The following HSF5 variants were observed in gnomAD, a reference collection of about 807,000 sequenced individuals.
HSF5 encodes heat shock transcription factor 5.
Under a neutral mutation model 50.8 loss-of-function variants are expected in HSF5, and 5 were observed. That is an observed-to-expected ratio of 0.10 (90% confidence interval 0.05 to 0.21). The LOEUF is 0.21. HSF5 is among the 10% of genes least tolerant of loss of function. The pLI, the probability that HSF5 is intolerant of heterozygous loss-of-function variation, is 1.00. For missense variants in HSF5, 564 were observed against 762.6 expected, an observed-to-expected ratio of 0.74 and a Z score of 3.07; for synonymous variants, 307 against 307.4, an observed-to-expected ratio of 1.00 and a Z score of 0.02.
In HSF5 at chr17:58,488,134, C is replaced by T; in HGVS notation, c.141G>A (p.Glu47=). The part of the protein sequence containing the change: ...EGLLIDQPLF[E]AELLSPPGPG... The stretch of plus-strand genomic sequence containing the variant: ...GCCCGGGCGGGCTGAGCAGCTCGGC[C>T]TCGAAGAGCGGCTGATCGATAAGCA... Residue 47 remains glutamate (E), a synonymous_variant, in exon 1 of 6, where the codon GAG becomes GAA. Transcript: ENST00000323777. The surrounding 1 kb of genome is among the most constrained non-coding windows in gnomAD (Gnocchi z 4.1). The T allele has an allele frequency of 6.4e-7, 1 of 1,560,656 alleles. No individual in the cohort carries two copies.
intron 5 of HSF5, among the ~76,000 whole-genome samples, chr17:58,453,838 C>T (rs1211847135): frequency 6.6e-6 from 1 of 152,046 alleles, no homozygotes; most frequent in Non-Finnish European, 1.5e-5. Context: ...CCTGTAAACC[C>T]AGCACTTTGG....
In HSF5 at chr17:58,487,906, C is replaced by T; in HGVS notation, c.369G>A (p.Leu123=). ...NPHFRRDQPQ[L]LVHLKRLTSA... ...TGGTGAGGCGCTTGAGGTGCACGAGCAGCTGTGGCTGGTCGCGGCGGAAGT... is the reference window on the plus strand; with the variant it reads ...TGGTGAGGCGCTTGAGGTGCACGAGTAGCTGTGGCTGGTCGCGGCGGAAGT... The change falls in exon 1 of 6, where the codon CTG becomes CTA. Residue 123 remains leucine, a synonymous_variant. Coordinates refer to ENST00000323777, the MANE Select transcript of HSF5 (RefSeq NM_001080439.3). 6.2e-7 allele frequency: 1 copy of T among 1,610,944 alleles called. No homozygotes were observed.
rs1008829822 is a variant in HSF5 at position 58,459,205 on chromosome 17, G to GT, written c.1543-261dup. The stretch of plus-strand genomic sequence containing the variant: ...TTTTTTTTAACTTACAAAAGTACAG[G>GT]TTTTTTTTTTTGTTTTAAGGCAGGG... On this transcript the variant is annotated intron_variant, in intron 4 of 5. Transcript: ENST00000323777. Among the ~76,000 whole-genome samples, 258 of 145,674 alleles carry GT rather than the reference G, an allele frequency of 1.8e-3. 1 individual carries two copies. The highest frequency in any genetic ancestry group is 9.6e-3 in the East Asian group (48 of 5,004).
intron 2 of HSF5, among the ~76,000 whole-genome samples, chr17:58,472,008 C>T (rs1974952484): frequency 6.6e-6 from 1 of 152,104 alleles, no homozygotes; most frequent in Admixed American, 6.5e-5. Context: ...TGTGCGCCAC[C>T]ATGCCTGGCT....
chr17:58,465,418 C>T (rs1433467585), intron 3 of HSF5, among the ~76,000 whole-genome samples: 1 of 152,052 alleles, frequency 6.6e-6, no homozygotes, highest in Non-Finnish European at 1.5e-5. Context: ...GTATCTCCAG[C>T]ATGATCCAGA....
chr17:58,433,208 C>A (rs1974386302), intron 5 of HSF5, among the ~76,000 whole-genome samples: 1 of 152,160 alleles, frequency 6.6e-6, no homozygotes, highest in Non-Finnish European at 1.5e-5. Flanking sequence ...ACCATGTTGG[C>A]CAAGCTAGTC....
In HSF5 at chr17:58,439,861, G is replaced by GA. The variant is rs144589604; in HGVS notation, c.1721-17432dup. Among the ~76,000 whole-genome samples, 217 of 151,386 alleles carry GA rather than the reference G, an allele frequency of 1.4e-3. 1 individual carries two copies. Among genetic ancestry groups the GA allele is most frequent in the Non-Finnish European group, 2.7e-3 (186 of 67,782 alleles). ...CATCTGAGGAACATTCCACAAAATA[G>GA]AAAAAAGATAAAAGTATAACAAAAT... On this transcript the variant is annotated intron_variant, in intron 5 of 5. Transcript: ENST00000323777.
intron 5 of HSF5, among the ~76,000 whole-genome samples, chr17:58,426,484 C>T (rs1249865152): frequency 6.6e-6 from 1 of 152,154 alleles, no homozygotes; most frequent in African/African-American, 2.4e-5. Context: ...AGGTGAAAGG[C>T]CCCAAGAGAC....
At chr17:58,432,088 C>T (rs1360992577) in intron 5 of HSF5, among the ~76,000 whole-genome samples, 5 of 151,982 alleles carry the variant, frequency 3.3e-5, no homozygotes, top group African/African-American at 4.8e-5. Context: ...GAGCATTTAT[C>T]ACAATTTTTT....
At chr17:58,468,349 G>A (rs1341506284) in intron 2 of HSF5, among the ~76,000 whole-genome samples, 1 of 152,200 alleles carries the variant, frequency 6.6e-6, no homozygotes, top group Admixed American at 6.5e-5. Context: ...AGTGAGCCAT[G>A]ATTGTGCCAC....
chr17:58,457,198 T>C (rs1398074197), intron 5 of HSF5, among the ~76,000 whole-genome samples: 1 of 150,734 alleles, frequency 6.6e-6, no homozygotes, highest in East Asian at 1.9e-4. Flanking sequence ...AGGTGGAAGT[T>C]GCAGTGAGCC....
intron 5 of HSF5, among the ~76,000 whole-genome samples, chr17:58,423,775 G>A (rs147734097): frequency 9.9e-5 from 15 of 151,898 alleles, no homozygotes; most frequent in East Asian, 3.9e-4. Context: ...CACTGCGCCC[G>A]GCCCAGGGAG....
chr17:58,471,543 T>C (rs1411939075), intron 2 of HSF5, among the ~76,000 whole-genome samples: 3 of 152,114 alleles, frequency 2.0e-5, no homozygotes, highest in Non-Finnish European at 4.4e-5. Flanking sequence ...TCTTAAATGA[T>C]ACACACATAC....
chr17:58,452,499 T>A (rs1974654609), intron 5 of HSF5, among the ~76,000 whole-genome samples: 1 of 152,042 alleles, frequency 6.6e-6, no homozygotes, highest in South Asian at 2.1e-4. Context: ...AGCAATAATA[T>A]CAAAGCAGTA....
chr17:58,474,411 C>T (rs567961273), intron 2 of HSF5, among the ~76,000 whole-genome samples: 30 of 151,976 alleles, frequency 2.0e-4, no homozygotes, highest in African/African-American at 7.0e-4. Context: ...TTCAATCATC[C>T]CTATTAAAGA....
chr17:58,449,850 C>T (rs1159194770), intron 5 of HSF5, among the ~76,000 whole-genome samples: 29 of 149,798 alleles, frequency 1.9e-4, no homozygotes, highest in Non-Finnish European at 3.4e-4. Flanking sequence ...GGTGAAACCC[C>T]GTCTCTACTA....
At chr17:58,441,993 G>A (rs1440931028) in intron 5 of HSF5, among the ~76,000 whole-genome samples, 2 of 152,212 alleles carry the variant, frequency 1.3e-5, no homozygotes, top group Admixed American at 1.3e-4. Flanking sequence ...AGACAAAGAA[G>A]AGCCATCTAA....
At chr17:58,470,768 A>G (rs1453208856) in intron 2 of HSF5, among the ~76,000 whole-genome samples, 1 of 152,174 alleles carries the variant, frequency 6.6e-6, no homozygotes, top group African/African-American at 2.4e-5. Flanking sequence ...ACTACTAAAA[A>G]TACATAAATT....
Position 58,463,891 on chromosome 17 carries a change from A to T in HSF5, c.1021-588T>A, listed in dbSNP as rs192294205. 2.6e-4 allele frequency among the ~76,000 whole-genome samples: 40 copies of T among 152,362 alleles called. No individual in the cohort carries two copies. The East Asian group carries it at 7.5e-3, about 29-fold the overall frequency. ...TTGCTTTTAGATTTACATCTTTAAG[A>T]TATATTCCCTTGTATATACTGCTTT... On this transcript the variant is annotated intron_variant, in intron 3 of 5. Transcript: ENST00000323777.
Sources: allele counts gnomAD v4.1 joint callset (sites outside exome capture counted in the v4.1 genomes callset), GRCh38; gene constraint gnomAD v4.1.1; non-coding constraint Gnocchi (gnomAD v3.1); transcripts MANE v1.5; gene names NCBI Gene and HGNC (gene_info 2026-07-23, HGNC 2026-07-21).